Variants in TDG observed in about 807,000 individuals in gnomAD.
The protein encoded by TDG is G/T mismatch-specific thymine DNA glycosylase.
In TDG, 23 loss-of-function variants were observed where a neutral mutation model predicts 46.1. That is an observed-to-expected ratio of 0.50 (90% CI 0.36 to 0.71). The LOEUF (loss-of-function observed/expected upper bound fraction) is 0.71. TDG is among the 30% of genes least tolerant of loss of function. The pLI, the probability that TDG is intolerant of heterozygous loss-of-function variation, is 0.00. For synonymous variants in TDG, 115 were observed against 161.3 expected (o/e 0.71, Z 2.18); for missense variants, 304 against 486.7 (o/e 0.62, Z 3.53).
intron 8 of TDG, among the ~76,000 whole-genome samples, chr12:103,985,335 C>T (rs906673748): frequency 6.6e-6 from 1 of 152,108 alleles, no homozygotes; most frequent in Non-Finnish European, 1.5e-5. Context: ...CTTCCCTCTA[C>T]TCTGGCACTT....
intron 4 of TDG, among the ~76,000 whole-genome samples, chr12:103,981,226 CTTTTTTTTTTT>C (rs11314473): frequency 1.4e-5 from 1 of 69,416 alleles, no homozygotes; most frequent in Admixed American, 1.8e-4. Flanking sequence ...AGTTGTACTA[CTTTTTTTTTTT>C]TTTTTTTTTT....
intron 1 of TDG, among the ~76,000 whole-genome samples, chr12:103,967,413 T>A (rs1374247164): frequency 6.6e-6 from 1 of 151,772 alleles, no homozygotes; most frequent in African/African-American, 2.4e-5. Flanking sequence ...TTGACTGTGC[T>A]AATCAAGAAA....
intron 5 of TDG, 96 bp from the exon 6 acceptor site, chr12:103,983,040 T>C: frequency 1.9e-6 from 3 of 1,563,986 alleles, no homozygotes; most frequent in South Asian, 1.2e-5. Context: ...GCTCAACAAA[T>C]GTACAATATG....
chr12:103,985,717 C>T lies in TDG; in HGVS notation c.1079C>T (p.Ser360Leu), dbSNP rs759439649. 1 of 1,613,458 alleles carries T rather than the reference C, an allele frequency of 6.2e-7. No homozygotes were observed. Among genetic ancestry groups the T allele is most frequent in the Non-Finnish European group, 8.5e-7 (1 of 1,179,562 alleles). ...AGCAGTGAACCTTGTGGCTTCTCTT[C>T]AAATGGGCTAAGTATGGTTCCCTCC... ...PCSSEPCGFS[S>L]NGLIESVELR... The change falls in exon 9 of 10, where the codon TCA becomes TTA. Residue 360 changes from serine to leucine, a missense_variant. Physicochemically the swap from Ser to Leu is moderately radical, Grantham distance 145. Transcript: ENST00000392872.
intron 4 of TDG, among the ~76,000 whole-genome samples, chr12:103,981,856 A>C (rs183459590): frequency 1.1e-4 from 16 of 152,258 alleles, no homozygotes; most frequent in African/African-American, 3.6e-4. Context: ...CAAAAAAATA[A>C]ATAAAAAATT....
At position 103,976,908 on chromosome 12, in the gene TDG, A is replaced by G; in HGVS notation, c.24-10A>G. The G allele has an allele frequency of 6.2e-7, 1 of 1,612,030 alleles. No individual in the cohort carries two copies. Among genetic ancestry groups the G allele is most frequent in the Non-Finnish European group, 8.5e-7 (1 of 1,179,564 alleles). ...TTATCATTACATCTCATGCTTCATT[A>G]TTCTTTCAGCTATTCCCTTCAGCAA... On this transcript the variant is annotated splice_polypyrimidine_tract_variant and intron_variant, in intron 1 of 9. Coordinates refer to ENST00000392872, the MANE Select transcript of TDG (RefSeq NM_003211.6).
chr12:103,983,602 A>G (rs1364900783), intron 7 of TDG, among the ~76,000 whole-genome samples: 1 of 152,256 alleles, frequency 6.6e-6, no homozygotes, highest in Non-Finnish European at 1.5e-5. Flanking sequence ...TGTCAGCTAA[A>G]TGTCTTGATG....
At chr12:103,968,262 A>G (rs1181460362) in intron 1 of TDG, among the ~76,000 whole-genome samples, 7 of 152,204 alleles carry the variant, frequency 4.6e-5, no homozygotes, top group African/African-American at 1.7e-4. Context: ...AAAGACATTT[A>G]CCGAAGATGG....
chr12:103,968,629 C>T (rs1593506328), intron 1 of TDG, among the ~76,000 whole-genome samples: 2 of 152,306 alleles, frequency 1.3e-5, no homozygotes, highest in South Asian at 2.1e-4. Flanking sequence ...TTCAGGTGTT[C>T]TAACAGAATC....
In TDG at chr12:103,982,914, C is replaced by T. The variant is rs138185700; in HGVS notation, c.594C>T (p.Pro198=). The T allele has an allele frequency of 2.7e-5, 43 of 1,613,944 alleles. No individual in the cohort carries two copies. The highest frequency in any genetic ancestry group is 2.1e-4 in the African/African-American group (16 of 74,876). ...CCAACATGGTGGAAAGGACCACGCC[C>T]GGCAGCAAAGATCTCTCCAGGTAAG... is the stretch of plus-strand genomic sequence containing the variant. The part of the protein sequence containing the change: ...GFTNMVERTT[P]GSKDLSSKEF... Residue 198 remains proline, a synonymous_variant, in exon 5 of 10, where the codon CCC becomes CCT. Coordinates refer to ENST00000392872, the MANE Select transcript of TDG (RefSeq NM_003211.6).
In TDG at chr12:103,987,330, C is replaced by T. The variant is rs1481829157; in HGVS notation, c.*240C>T. 1 of 481,618 alleles carries T rather than the reference C, an allele frequency of 2.1e-6. No individual in the cohort carries two copies. The highest frequency in any genetic ancestry group is 1.9e-5 in the African/African-American group (1 of 53,050). 29.8% of individuals were successfully genotyped at this position (481,618 alleles called of 1,614,324 possible). ...AATTATCATTCCAGCTTTTTATATA[C>T]TATATTTCATTTATGAAGAAATTGA... On this transcript the variant is annotated 3_prime_UTR_variant, in exon 10 of 10. Coordinates refer to ENST00000392872, the MANE Select transcript of TDG (RefSeq NM_003211.6).
intron 1 of TDG, chr12:103,972,977 T>C: frequency 1.4e-6 from 1 of 701,802 alleles, no homozygotes; most frequent in Non-Finnish European, 2.6e-6. Context: ...TTTCATGAAG[T>C]GCTCAAAATG....
chr12:103,974,286 G>GTTA (rs1308987561), intron 1 of TDG, among the ~76,000 whole-genome samples: 1 of 150,842 alleles, frequency 6.6e-6, no homozygotes, highest in Admixed American at 6.6e-5. Flanking sequence ...TGTTGTTGTT[G>GTTA]TTGTTATTGA....
chr12:103,971,855 A>G (rs1233259104), intron 1 of TDG, among the ~76,000 whole-genome samples: 1 of 152,194 alleles, frequency 6.6e-6, no homozygotes, highest in Non-Finnish European at 1.5e-5. Context: ...CATTGTCCAC[A>G]TATGTAGAAA....
At chr12:103,984,630 T>C in intron 7 of TDG, 119 bp from the exon 8 acceptor site, 1 of 714,028 alleles carries the variant, frequency 1.4e-6, no homozygotes, top group Non-Finnish European at 1.9e-6. Context: ...TTTTTACATA[T>C]ATTTATATGT....
In TDG at chr12:103,972,082, A is replaced by G. The variant is rs1566178106; in HGVS notation, c.24-4836A>G. On this transcript the variant is annotated intron_variant, in intron 1 of 9. Transcript: ENST00000392872. Reference sequence around the variant, plus strand: ...TGAAACAGGTTTATGCTGCTTATACATTTAGTTGTTATTATAATAGAAGAT... The same window carrying G: ...TGAAACAGGTTTATGCTGCTTATACGTTTAGTTGTTATTATAATAGAAGAT... Among the ~76,000 whole-genome samples the G allele has an allele frequency of 4.6e-5, 7 of 152,240 alleles. No homozygotes were observed. The South Asian group carries it at 1.2e-3, about 27-fold the overall frequency.
chr12:103,975,399 C>G (rs1031193033), intron 1 of TDG, among the ~76,000 whole-genome samples: 25 of 152,114 alleles, frequency 1.6e-4, no homozygotes, highest in African/African-American at 6.0e-4. Flanking sequence ...ATGCCATAGA[C>G]TGGGCAATTA....
intron 2 of TDG, among the ~76,000 whole-genome samples, chr12:103,979,257 C>T (rs1306548085): frequency 3.3e-5 from 5 of 151,994 alleles, no homozygotes. Flanking sequence ...TGCACGACAC[C>T]ATGCCTGGCT....
rs1346514763 is a variant in TDG, at chr12:103,987,771, G to C, written c.*681G>C. 1 of 152,562 alleles carries C rather than the reference G, an allele frequency of 6.6e-6. No homozygotes were observed. The highest frequency in any genetic ancestry group is 2.4e-5 in the African/African-American group (1 of 41,462). The allele number at this position is 152,562 out of a possible 1,614,324, so 9.5% of individuals were successfully genotyped here. A position where few individuals can be genotyped will look rare whatever the true frequency, so the allele number is the denominator to read the frequency against. On this transcript the variant is annotated 3_prime_UTR_variant, in exon 10 of 10. Coordinates refer to ENST00000392872, the MANE Select transcript of TDG (RefSeq NM_003211.6). ...GTGGCAGGTTCCAGAGAATGCAGTA[G>C]ACCTTTTGCCACTCATCTGTGTTTT...
Sources: gnomAD v4.1 joint callset for allele counts (sites outside exome capture counted in the v4.1 genomes callset) on GRCh38, gnomAD v4.1.1 for gene constraint, MANE v1.5 for transcripts, NCBI Gene and HGNC (gene_info 2026-07-23, HGNC 2026-07-21) for gene names.